The following MYO7A variants were observed in gnomAD, a reference collection of about 807,000 sequenced individuals.
The protein encoded by MYO7A is myosin VIIA.
A neutral mutation model predicts 263.8 loss-of-function variants in MYO7A; 210 were observed. That is an observed-to-expected ratio of 0.80 (90% CI 0.71 to 0.89). The LOEUF (loss-of-function observed/expected upper bound fraction) is 0.89, where lower values mean the gene tolerates loss of function less well. Ranked by LOEUF, MYO7A falls within the 40% of genes least tolerant of loss-of-function variation. The pLI is 0.00. For missense variants in MYO7A, 2,820 were observed against 2,968.3 expected (o/e 0.95, Z 1.16); for synonymous variants, 1,239 against 1,197.3 (o/e 1.03, Z -0.72).
chr11:77,206,507 G>T (rs1009758260), intron 41 of MYO7A, among the ~76,000 whole-genome samples: 30 of 152,152 alleles, frequency 2.0e-4, no homozygotes, highest in Non-Finnish European at 3.2e-4. Flanking sequence ...GCTTTGCACT[G>T]GCTTTGCACC....
In MYO7A at chr11:77,166,011, G is replaced by C. The variant is rs782083182; in HGVS notation, c.1691-45G>C. ...CTCAGATGTTATGGGTTTGGGGAGG[G>C]CCTGCCAGAGCTGGTGAGAGGTGAC... On this transcript the variant is annotated intron_variant, in intron 14 of 48. Coordinates refer to ENST00000409709, the MANE Select transcript of MYO7A (RefSeq NM_000260.4). 2.8e-6 allele frequency: 4 copies of C among 1,440,114 alleles called. No individual in the cohort carries two copies. The Admixed American group carries it at 5.2e-5, about 19-fold the overall frequency. The allele number at this position is 1,440,114 out of a possible 1,614,324, so 89.2% of individuals were successfully genotyped here.
chr11:77,160,089 A>AGTGGAGGGATCCGGGTGTGG (rs1952844131), intron 10 of MYO7A, 74 bp from the exon 11 acceptor site: 1 of 1,514,286 alleles, frequency 6.6e-7, no homozygotes, highest in Non-Finnish European at 8.9e-7. Flanking sequence ...AGTGCCGGAA[A>AGTGGAGGGATCCGGGTGTGG]GTGGAGGGAT....
intron 3 of MYO7A, among the ~76,000 whole-genome samples, chr11:77,144,846 A>G (rs1280571296): frequency 4.6e-5 from 7 of 152,120 alleles, no homozygotes; most frequent in Non-Finnish European, 7.4e-5. Context: ...GTTGCCAGAT[A>G]CACCCCTCCT....
intron 4 of MYO7A, among the ~76,000 whole-genome samples, chr11:77,151,875 T>C (rs1951998110): frequency 1.3e-5 from 2 of 152,216 alleles, no homozygotes; most frequent in Non-Finnish European, 2.9e-5. Flanking sequence ...AGTGTGTTCC[T>C]GGGGTTTGGG....
At chr11:77,172,706 G>A (rs1166091236) in intron 15 of MYO7A, 42 bp from the exon 16 acceptor site, 3 of 1,545,778 alleles carry the variant, frequency 1.9e-6, no homozygotes, top group Non-Finnish European at 2.6e-6. Flanking sequence ...CACTGGATGG[G>A]GCAGGCACAG....
intron 34 of MYO7A, among the ~76,000 whole-genome samples, chr11:77,198,827 G>C (rs1224049144): frequency 6.6e-6 from 1 of 152,232 alleles, no homozygotes; most frequent in African/African-American, 2.4e-5. Context: ...AGGCTGTTCT[G>C]AGACAGGAAT....
rs1426457600 is a variant in MYO7A at position 77,202,419 on chromosome 11, C to T, written c.5163C>T (p.Tyr1721=). Residue 1721 remains tyrosine (Y), a synonymous_variant, in exon 37 of 49, where the codon TAC becomes TAT. Transcript: ENST00000409709. The stretch of plus-strand genomic sequence containing the variant: ...CGCTGGAGGAGTTTTCCTATGACTA[C>T]TTCAGGTGATGCCTCCTGGGGAAGG... ...PYTLEEFSYD[Y]FRPPPKHTLS... The T allele has an allele frequency of 6.4e-7, 1 of 1,551,578 alleles. No individual in the cohort carries two copies. The highest frequency in any genetic ancestry group is 1.4e-5 in the African/African-American group (1 of 73,244).
At chr11:77,199,855 G>A (rs1956941365) in intron 35 of MYO7A, 37 bp downstream of exon 35, 1 of 1,538,182 alleles carries the variant, frequency 6.5e-7, no homozygotes, top group African/African-American at 1.4e-5. Flanking sequence ...TGGCACTGGG[G>A]GTCAGGGTGT....
chr11:77,207,490 G>T (rs1229750082), intron 42 of MYO7A, 88 bp downstream of exon 42: 28 of 983,388 alleles, frequency 2.8e-5, no homozygotes, highest in Non-Finnish European at 2.1e-5. Flanking sequence ...GAGGAACTGG[G>T]GGAGAGAGGG....
Position 77,182,127 on chromosome 11 carries a change from C to G in MYO7A, c.3081C>G (p.Leu1027=), listed in dbSNP as rs782649336. 4 of 1,613,432 alleles carry G rather than the reference C, an allele frequency of 2.5e-6. No homozygotes were observed. The highest frequency in any genetic ancestry group is 3.4e-6 in the Non-Finnish European group (4 of 1,179,880). ...YTRRPLKQPL[L]YHDDEGDQLA... is the part of the protein sequence containing the mutation. ...GGCGGCCACTCAAACAGCCACTGCTCTACCATGACGACGAGGGTGACCAGC... is the reference window on the plus strand; with the variant it reads ...GGCGGCCACTCAAACAGCCACTGCTGTACCATGACGACGAGGGTGACCAGC... Residue 1027 remains leucine (L), a synonymous_variant, in exon 24 of 49, where the codon CTC becomes CTG. Transcript: ENST00000409709.
intron 21 of MYO7A, 45 bp downstream of exon 21, chr11:77,179,998 G>A (rs782217208): frequency 2.8e-5 from 41 of 1,487,092 alleles, no homozygotes; most frequent in African/African-American, 5.5e-5. Flanking sequence ...ACCCCTGGGC[G>A]AGGAGTGTCC....
chr11:77,174,117 C>T (rs1419748181), intron 16 of MYO7A, among the ~76,000 whole-genome samples: 1 of 152,074 alleles, frequency 6.6e-6, no homozygotes, highest in African/African-American at 2.4e-5. Context: ...TTCCAGCATC[C>T]ATGGATGAGG....
At chr11:77,195,613 C>T (rs1956595741) in intron 32 of MYO7A, among the ~76,000 whole-genome samples, 1 of 152,226 alleles carries the variant, frequency 6.6e-6, no homozygotes, top group Admixed American at 6.5e-5. Flanking sequence ...GACCTGGAGA[C>T]ACAGCCCTTT....
intron 27 of MYO7A, chr11:77,185,092 G>C: frequency 2.6e-6 from 1 of 380,230 alleles, no homozygotes; most frequent in Non-Finnish European, 5.0e-6. Context: ...TAGACATCTT[G>C]ATTAGAAATT....
At chr11:77,156,821 C>G (rs781924443) in intron 6 of MYO7A, 40 bp downstream of exon 6, 3 of 1,613,726 alleles carry the variant, frequency 1.9e-6, no homozygotes, top group African/African-American at 2.7e-5. Context: ...GGCAGTGGGG[C>G]GGGAGCGGGC....
intron 23 of MYO7A, among the ~76,000 whole-genome samples, 171 bp from the exon 24 acceptor site, chr11:77,181,779 GT>G (rs782689084): frequency 1.9e-3 from 168 of 90,044 alleles, no homozygotes; most frequent in African/African-American, 4.3e-3. Flanking sequence ...TTTTTTTTTT[GT>G]TTTTTTTTTT....
intron 15 of MYO7A, 61 bp from the exon 16 acceptor site, chr11:77,172,687 C>T (rs940335015): frequency 1.0e-5 from 16 of 1,542,728 alleles, no homozygotes; most frequent in East Asian, 2.4e-5. Context: ...TACTGGGCGG[C>T]TCCTGGGACA....
intron 31 of MYO7A, among the ~76,000 whole-genome samples, chr11:77,192,667 C>G (rs1956178790): frequency 1.3e-5 from 2 of 152,156 alleles, no homozygotes; most frequent in Non-Finnish European, 2.9e-5. Flanking sequence ...ATTCTTTTTT[C>G]TCCTTCTGAG....
intron 5 of MYO7A, 58 bp from the exon 6 acceptor site, chr11:77,156,602 C>T: frequency 6.2e-7 from 1 of 1,603,388 alleles, no homozygotes; most frequent in Non-Finnish European, 8.5e-7. Context: ...GGCTGAGTTC[C>T]AGTTGGTGGG....
Sources: allele counts gnomAD v4.1 joint callset (sites outside exome capture counted in the v4.1 genomes callset), GRCh38; gene constraint gnomAD v4.1.1; transcripts MANE v1.5; gene names NCBI Gene and HGNC (gene_info 2026-07-23, HGNC 2026-07-21).